The following CPSF6 variants were observed in gnomAD, a reference collection of about 807,000 sequenced individuals.
CPSF6 encodes the protein cleavage and polyadenylation specificity factor subunit 6.
CPSF6 carries 10 observed loss-of-function variants against 56.7 expected under a neutral mutation model. The ratio of observed to expected loss-of-function variants is 0.18; its 90% CI spans 0.11 to 0.30. CPSF6 has a LOEUF of 0.30. Ranked by LOEUF, CPSF6 falls within the 10% of genes least tolerant of loss-of-function variation. CPSF6 has a pLI of 1.00. For synonymous variants in CPSF6, 248 were observed against 244.8 expected (o/e 1.01, Z -0.12); for missense variants, 419 against 722.9 (o/e 0.58, Z 4.82).
chr12:69,271,280 T>A lies in CPSF6; in HGVS notation c.*1772T>A, dbSNP rs1873228627. 6.6e-6 allele frequency: 1 copy of A among 152,180 alleles called. No individual in the cohort carries two copies. The highest frequency in any genetic ancestry group is 6.6e-5 in the Admixed American group (1 of 15,210). 9.4% of individuals were successfully genotyped at this position (152,180 alleles called of 1,614,324 possible). ...TTTTAGAGTTGTATCAAAATTTTCC[T>A]GTTTTCTGTATATTGTTGTGTCATT... On this transcript the variant is annotated 3_prime_UTR_variant, in exon 10 of 10. Coordinates refer to ENST00000435070, the MANE Select transcript of CPSF6 (RefSeq NM_007007.3).
At chr12:69,262,680 T>C (rs914309991) in intron 9 of CPSF6, 118 bp downstream of exon 9, 5 of 1,193,484 alleles carry the variant, frequency 4.2e-6, no homozygotes, top group Non-Finnish European at 5.5e-6. Flanking sequence ...ACTTGTGAAT[T>C]TAATCTTCTG....
intron 9 of CPSF6, among the ~76,000 whole-genome samples, chr12:69,268,521 C>G (rs141932064): frequency 5.3e-5 from 8 of 151,606 alleles, no homozygotes; most frequent in African/African-American, 1.9e-4. Flanking sequence ...ATTTTTATTT[C>G]AAAATATCAC....
rs1228219428 is a variant in CPSF6 at position 69,251,356 on chromosome 12, A to G, written c.270+18A>G. The G allele has an allele frequency of 7.0e-7, 1 of 1,420,834 alleles. No individual in the cohort carries two copies. The highest frequency in any genetic ancestry group is 2.3e-5 in the East Asian group (1 of 43,040). 88.0% of individuals were successfully genotyped at this position (1,420,834 alleles called of 1,614,324 possible). A position where few individuals can be genotyped will look rare whatever the true frequency, so the allele number is the denominator to read the frequency against. On this transcript the variant is annotated intron_variant, in intron 2 of 9. Transcript: ENST00000435070. ...TAACATGGGTAAGTGAAGTTAATAT[A>G]AGAATTAAATTATTGGTAATTGATT...
intron 9 of CPSF6, among the ~76,000 whole-genome samples, chr12:69,266,196 G>C (rs184283060): frequency 2.8e-4 from 43 of 151,906 alleles, no homozygotes; most frequent in Admixed American, 2.8e-3. Context: ...CAGCTCTTAG[G>C]TTATCTGAGG....
chr12:69,264,300 CTT>C (rs1872875397), intron 9 of CPSF6, among the ~76,000 whole-genome samples: 1 of 152,060 alleles, frequency 6.6e-6, no homozygotes, highest in Admixed American at 6.5e-5. Flanking sequence ...GATAATGAAA[CTT>C]GAATTCATCT....
intron 4 of CPSF6, 102 bp from the exon 5 acceptor site, chr12:69,257,630 C>A: frequency 9.1e-7 from 1 of 1,099,288 alleles, no homozygotes; most frequent in Non-Finnish European, 1.3e-6. Context: ...AAGGCATTTG[C>A]AAGTTAATAT....
At chr12:69,263,815 A>G (rs1228369065) in intron 9 of CPSF6, among the ~76,000 whole-genome samples, 1 of 152,052 alleles carries the variant, frequency 6.6e-6, no homozygotes, top group Non-Finnish European at 1.5e-5. Context: ...CTCCTACACT[A>G]TTTACAATTT....
rs545232822 is a variant in CPSF6 at position 69,239,576 on chromosome 12, C to T, written c.-71C>T. On this transcript the variant is annotated 5_prime_UTR_variant, in exon 1 of 10. Coordinates refer to ENST00000435070, the MANE Select transcript of CPSF6 (RefSeq NM_007007.3). ...AAGCGCCCCCCCACCGCCGCTAGAT[C>T]CGCTGCTGCTGCCGCGGCGGGCAGA... The T allele has an allele frequency of 5.3e-6, 8 of 1,511,048 alleles. No individual in the cohort carries two copies. The highest frequency in any genetic ancestry group is 2.9e-5 in the African/African-American group (2 of 68,956). The allele number at this position is 1,511,048 out of a possible 1,614,324, so 93.6% of individuals were successfully genotyped here. A position where few individuals can be genotyped will look rare whatever the true frequency, so the allele number is the denominator to read the frequency against.
Position 69,272,479 on chromosome 12 carries a change from A to G in CPSF6, c.*2971A>G, listed in dbSNP as rs1873291288. 1.3e-5 allele frequency: 2 copies of G among 151,718 alleles called. No homozygotes were observed. Among genetic ancestry groups the G allele is most frequent in the African/African-American group, 4.8e-5 (2 of 41,402 alleles). 9.4% of individuals were successfully genotyped at this position (151,718 alleles called of 1,614,324 possible). ...TTCCCTTATGTATTTAACTGTGCCAATCTAAATACATACTGTTTTATACAA... is the reference window on the plus strand; with the variant it reads ...TTCCCTTATGTATTTAACTGTGCCAGTCTAAATACATACTGTTTTATACAA... On this transcript the variant is annotated 3_prime_UTR_variant, in exon 10 of 10. Transcript: ENST00000435070.
intron 1 of CPSF6, among the ~76,000 whole-genome samples, chr12:69,240,810 C>T (rs1025754979): frequency 2.0e-5 from 3 of 151,824 alleles, no homozygotes; most frequent in African/African-American, 7.3e-5. Context: ...AATGGGCATC[C>T]TTGCAAAAGA....
At chr12:69,260,923 T>C (rs1007327719) in intron 8 of CPSF6, among the ~76,000 whole-genome samples, 5 of 152,206 alleles carry the variant, frequency 3.3e-5, no homozygotes, top group South Asian at 4.1e-4. Flanking sequence ...ATGCTCGTTA[T>C]AATATTTCTA....
intron 1 of CPSF6, among the ~76,000 whole-genome samples, chr12:69,245,149 A>G (rs12812438): frequency 0.064 from 9,655 of 152,020 alleles, 623 homozygotes; most frequent in South Asian, 0.29. Context: ...TAATAAATAC[A>G]TAAACCAGTA....
intron 1 of CPSF6, among the ~76,000 whole-genome samples, chr12:69,249,764 A>G (rs1454551041): frequency 2.6e-5 from 4 of 152,104 alleles, no homozygotes; most frequent in Non-Finnish European, 5.9e-5. Context: ...GCTTTTACCT[A>G]CATTTCATTT....
rs1395559991 is a variant in CPSF6 at position 69,271,848 on chromosome 12, G to A, written c.*2340G>A. On this transcript the variant is annotated 3_prime_UTR_variant, in exon 10 of 10. Transcript: ENST00000435070. Reference sequence around the variant, plus strand: ...TGAAAACTCTTCCTTTTTTTAATGTGTAAAAACAATCCAAAGAGATAAATC... The same window carrying A: ...TGAAAACTCTTCCTTTTTTTAATGTATAAAAACAATCCAAAGAGATAAATC... 6.6e-6 allele frequency: 1 copy of A among 151,474 alleles called. No homozygotes were observed. Among genetic ancestry groups the A allele is most frequent in the African/African-American group, 2.4e-5 (1 of 41,300 alleles). The allele number at this position is 151,474 out of a possible 1,614,324, so 9.4% of individuals were successfully genotyped here. A position where few individuals can be genotyped will look rare whatever the true frequency, so the allele number is the denominator to read the frequency against.
intron 1 of CPSF6, among the ~76,000 whole-genome samples, chr12:69,247,701 T>C (rs536312518): frequency 1.3e-5 from 2 of 152,316 alleles, no homozygotes; most frequent in South Asian, 4.1e-4. Context: ...CATGCAAACA[T>C]CATGCATATT....
intron 9 of CPSF6, among the ~76,000 whole-genome samples, chr12:69,267,249 G>A (rs1024394648): frequency 3.3e-5 from 5 of 151,992 alleles, no homozygotes; most frequent in African/African-American, 1.2e-4. Flanking sequence ...TAACAAATGT[G>A]CATAGATAAA....
At position 69,270,666 on chromosome 12, in the gene CPSF6, A is replaced by G. The variant is rs781600233; in HGVS notation, c.*1158A>G. The G allele has an allele frequency of 2.0e-5, 3 of 151,680 alleles. No homozygotes were observed. The highest frequency in any genetic ancestry group is 6.6e-5 in the Admixed American group (1 of 15,228). 9.4% of individuals were successfully genotyped at this position (151,680 alleles called of 1,614,324 possible). On this transcript the variant is annotated 3_prime_UTR_variant, in exon 10 of 10. Transcript: ENST00000435070. ...GTGTCTGCACAGTTTAAGGAATACT[A>G]TGTATATTCATGCACCGTATTGATT...
chr12:69,257,034 T>C (rs192514672), intron 4 of CPSF6, among the ~76,000 whole-genome samples, 192 bp downstream of exon 4: 1 of 152,334 alleles, frequency 6.6e-6, no homozygotes, highest in Admixed American at 6.5e-5. Flanking sequence ...TCCTGTTCCA[T>C]TTTTCTCCAG....
chr12:69,255,535 A>ATATTTATT (rs553394476), intron 3 of CPSF6, among the ~76,000 whole-genome samples: 9 of 152,064 alleles, frequency 5.9e-5, no homozygotes, highest in African/African-American at 1.9e-4. Flanking sequence ...GTTTCTCCAC[A>ATATTTATT]TATTTATTTA....
Sources: gnomAD v4.1 joint callset for allele counts (sites outside exome capture counted in the v4.1 genomes callset) on GRCh38, gnomAD v4.1.1 for gene constraint, MANE v1.5 for transcripts, NCBI Gene and HGNC (gene_info 2026-07-23, HGNC 2026-07-21) for gene names.